The following ROR2 variants were observed in gnomAD, a reference collection of about 807,000 sequenced individuals.
The protein encoded by ROR2 is ROR family WNT receptor 2.
Under a neutral mutation model 74.9 loss-of-function variants are expected in ROR2, and 33 were observed. The ratio of observed to expected loss-of-function variants is 0.44; its 90% confidence interval spans 0.33 to 0.59. The LOEUF (loss-of-function observed/expected upper bound fraction) is 0.59. Among genes scored for constraint, ROR2 ranks in the 20% least tolerant of loss-of-function variants. The pLI is 0.02. For synonymous variants in ROR2, 586 were observed against 558.7 expected (o/e 1.05, Z -0.69); for missense variants, 1,216 against 1,313.8 (o/e 0.93, Z 1.15).
intron 1 of ROR2, among the ~76,000 whole-genome samples, chr9:91,830,823 T>A (rs979021981): frequency 8.0e-5 from 12 of 149,358 alleles, no homozygotes; most frequent in African/African-American, 2.7e-4. Flanking sequence ...TGTGTGTGTG[T>A]GTGTGTGTGT....
intron 1 of ROR2, among the ~76,000 whole-genome samples, chr9:91,816,736 A>G (rs983263617): frequency 1.6e-5 from 2 of 125,466 alleles, no homozygotes; most frequent in Non-Finnish European, 1.6e-5. Flanking sequence ...CTGGTTCTAC[A>G]TATTTCCAGA....
chr9:91,734,731 G>C (rs1295302441), intron 5 of ROR2, among the ~76,000 whole-genome samples: 2 of 152,190 alleles, frequency 1.3e-5, no homozygotes, highest in Admixed American at 6.5e-5. Flanking sequence ...GAATGAGAGT[G>C]CACACAGAGC....
At chr9:91,743,485 C>T (rs999742232) in intron 4 of ROR2, among the ~76,000 whole-genome samples, 8 of 152,074 alleles carry the variant, frequency 5.3e-5, no homozygotes, top group African/African-American at 1.9e-4. Flanking sequence ...GCAGGACAAT[C>T]GCTTGAACCT....
At chr9:91,787,424 T>A (rs2118989496) in intron 1 of ROR2, among the ~76,000 whole-genome samples, 1 of 152,242 alleles carries the variant, frequency 6.6e-6, no homozygotes, top group African/African-American at 2.4e-5. Flanking sequence ...GGCAGGAGAA[T>A]CACTTGAACC....
At chr9:91,829,850 C>T (rs1041661985) in intron 1 of ROR2, among the ~76,000 whole-genome samples, 2 of 152,122 alleles carry the variant, frequency 1.3e-5, no homozygotes, top group Non-Finnish European at 2.9e-5. Context: ...ATATTTTTAA[C>T]GTAATACAAA....
chr9:91,741,301 G>GTAA (rs747307979), intron 4 of ROR2, among the ~76,000 whole-genome samples: 6,704 of 100,554 alleles, frequency 0.067, 212 homozygotes, highest in African/African-American at 0.11. Context: ...TCTGTCTCAA[G>GTAA]TAGTAATAAT....
At chr9:91,735,894 GC>G (rs1406611087) in intron 5 of ROR2, among the ~76,000 whole-genome samples, 3 of 152,030 alleles carry the variant, frequency 2.0e-5, no homozygotes, top group African/African-American at 4.8e-5. Flanking sequence ...AGGATTACAG[GC>G]GTGAGCCACC....
intron 1 of ROR2, among the ~76,000 whole-genome samples, chr9:91,795,636 T>C (rs1369641624): frequency 6.6e-6 from 1 of 152,218 alleles, no homozygotes; most frequent in Non-Finnish European, 1.5e-5. Flanking sequence ...CATAAACTCA[T>C]AAATCATGGT....
At chr9:91,882,241 C>T (rs1030056520) in intron 1 of ROR2, among the ~76,000 whole-genome samples, 11 of 152,012 alleles carry the variant, frequency 7.2e-5, no homozygotes, top group African/African-American at 2.4e-4. Context: ...GAAACCCTAT[C>T]TCTACTAAAA....
chr9:91,938,139 G>A (rs1003836885), intron 1 of ROR2, among the ~76,000 whole-genome samples: 4 of 152,160 alleles, frequency 2.6e-5, no homozygotes, highest in South Asian at 2.1e-4. Context: ...AGGCTGACCC[G>A]AGTTAGTCTA....
chr9:91,904,334 C>T (rs1830756269), intron 1 of ROR2, among the ~76,000 whole-genome samples: 2 of 152,186 alleles, frequency 1.3e-5, no homozygotes, highest in Admixed American at 1.3e-4. Flanking sequence ...GTTCACCTGA[C>T]CTGAGGATGC....
intron 4 of ROR2, among the ~76,000 whole-genome samples, chr9:91,739,675 A>G (rs773698015): frequency 2.0e-5 from 3 of 152,204 alleles, no homozygotes; most frequent in Non-Finnish European, 4.4e-5. Flanking sequence ...CAGAACCTGG[A>G]GCTATAAATA....
In ROR2 at chr9:91,724,531, GCAGCAGCGAGTTCCC is replaced by G; in HGVS notation, c.1948_1962del (p.Gly650_Leu654del). 6.2e-7 allele frequency: 1 copy of G among 1,614,224 alleles called. No homozygotes were observed. Among genetic ancestry groups the G allele is most frequent in the Non-Finnish European group, 8.5e-7 (1 of 1,180,040 alleles). On this transcript the variant is annotated inframe_deletion, in exon 9 of 9. Transcript: ENST00000375708. Reference sequence around the variant, plus strand: ...GCCTCTGGGGCCATCCAGCGGATAGGCAGCAGCGAGTTCCCCAGCAGCTTGTAGTAATCGGCGGCA... The same window carrying G: ...GCCTCTGGGGCCATCCAGCGGATAGGCAGCAGCTTGTAGTAATCGGCGGCA...
chr9:91,779,324 G>A (rs1282569078), intron 1 of ROR2, among the ~76,000 whole-genome samples: 1 of 150,334 alleles, frequency 6.7e-6, no homozygotes, highest in Non-Finnish European at 1.5e-5. Context: ...AGGCTCACAA[G>A]TAGAACTGCA....
At chr9:91,889,441 C>T (rs1306759122) in intron 1 of ROR2, among the ~76,000 whole-genome samples, 5 of 152,200 alleles carry the variant, frequency 3.3e-5, no homozygotes, top group Admixed American at 1.3e-4. Flanking sequence ...ATACTGCATG[C>T]TAGACGTGGT....
intron 1 of ROR2, among the ~76,000 whole-genome samples, chr9:91,849,826 T>C (rs535607290): frequency 6.6e-6 from 1 of 152,340 alleles, no homozygotes; most frequent in Non-Finnish European, 1.5e-5. Context: ...ATATCGTGTT[T>C]TGAACATGTT....
chr9:91,792,802 T>C (rs1467475207), intron 1 of ROR2, among the ~76,000 whole-genome samples: 2 of 152,170 alleles, frequency 1.3e-5, no homozygotes, highest in African/African-American at 2.4e-5. Context: ...AATGGACAAA[T>C]TCCTACAGAA....
intron 1 of ROR2, among the ~76,000 whole-genome samples, chr9:91,892,532 A>AT (rs200794281): frequency 0.054 from 6,912 of 128,130 alleles, 227 homozygotes; most frequent in African/African-American, 0.086. Context: ...TAAGTGTTGG[A>AT]TTTTTTTTTT....
chr9:91,826,278 C>T (rs772357596), intron 1 of ROR2, among the ~76,000 whole-genome samples: 9 of 152,208 alleles, frequency 5.9e-5, no homozygotes, highest in Admixed American at 5.2e-4. Context: ...CCAGCAATCA[C>T]GCCATTTCAT....
Sources: gnomAD v4.1 joint callset for allele counts (sites outside exome capture counted in the v4.1 genomes callset) on GRCh38, gnomAD v4.1.1 for gene constraint, MANE v1.5 for transcripts, NCBI Gene and HGNC (gene_info 2026-07-23, HGNC 2026-07-21) for gene names.